MCU: variants seen among roughly 807,000 people sequenced by gnomAD.
The protein encoded by MCU is calcium uniporter protein, mitochondrial.
A neutral mutation model predicts 45.2 loss-of-function variants in MCU; 12 were observed. The observed-to-expected ratio is 0.27, with a 90% CI of 0.17 to 0.43. MCU has a LOEUF of 0.43. MCU is among the 20% of genes least tolerant of loss of function. The probability of loss-of-function intolerance (pLI) is 1.00; values close to 1 mark genes in which losing one functional copy is unlikely to be tolerated. For missense variants in MCU, 324 were observed against 436.7 expected, an observed-to-expected ratio of 0.74 and a Z score of 2.30; for synonymous variants, 160 against 165.1, an observed-to-expected ratio of 0.97 and a Z score of 0.24.
intron 1 of MCU, among the ~76,000 whole-genome samples, chr10:72,730,222 A>C (rs1406933282): frequency 6.6e-6 from 1 of 151,756 alleles, no homozygotes; most frequent in Non-Finnish European, 1.5e-5. Flanking sequence ...TAACCTCCCA[A>C]AGTGCTGGGA....
chr10:72,865,305 G>A (rs541174101), intron 4 of MCU, among the ~76,000 whole-genome samples: 18 of 152,270 alleles, frequency 1.2e-4, no homozygotes, highest in African/African-American at 4.3e-4. Flanking sequence ...AGGGTATAAA[G>A]CTTGCAAGGG....
chr10:72,782,635 T>G (rs905037651), intron 1 of MCU, among the ~76,000 whole-genome samples: 7 of 152,238 alleles, frequency 4.6e-5, no homozygotes, highest in Non-Finnish European at 8.8e-5. Flanking sequence ...CCCAAAGTGT[T>G]GGGATTACAG....
chr10:72,751,341 C>CTTCTTTTTTTTTTTTTTTTTT (rs1474252109), intron 1 of MCU, among the ~76,000 whole-genome samples: 1 of 44,754 alleles, frequency 2.2e-5, no homozygotes, highest in African/African-American at 8.4e-5. Flanking sequence ...TCTTCTTCTT[C>CTTCTTTTTTTTTTTTTTTTTT]TTTTTTTTTT....
chr10:72,693,880 A>G (rs1842655887), intron 1 of MCU, among the ~76,000 whole-genome samples: 1 of 152,212 alleles, frequency 6.6e-6, no homozygotes, highest in Admixed American at 6.5e-5. Flanking sequence ...CCTTAAGTCC[A>G]TATTTTGATA....
At chr10:72,734,775 A>C (rs1461157417) in intron 1 of MCU, among the ~76,000 whole-genome samples, 1 of 151,976 alleles carries the variant, frequency 6.6e-6, no homozygotes, top group East Asian at 1.9e-4. Flanking sequence ...CACCATGCCT[A>C]GCTATTAAAA....
At chr10:72,722,316 CAAAAAAAAAAAAAAAAA>C (rs35164146) in intron 1 of MCU, among the ~76,000 whole-genome samples, 1 of 20,158 alleles carries the variant, frequency 5.0e-5, no homozygotes, top group Non-Finnish European at 1.1e-4. Context: ...AACTCCATCT[CAAAAAAAAAAAAAAAAA>C]AAAAAAAAAA....
At chr10:72,750,897 G>C (rs1440369869) in intron 1 of MCU, among the ~76,000 whole-genome samples, 1 of 152,156 alleles carries the variant, frequency 6.6e-6, no homozygotes, top group Non-Finnish European at 1.5e-5. Flanking sequence ...CATTTATGTT[G>C]CTTATTTAGC....
intron 1 of MCU, among the ~76,000 whole-genome samples, chr10:72,694,875 T>C (rs1267140030): frequency 6.6e-6 from 1 of 152,260 alleles, no homozygotes; most frequent in Non-Finnish European, 1.5e-5. Context: ...AGTGCAATTA[T>C]GAAGTTATAA....
At chr10:72,734,764 AC>A (rs1433466651) in intron 1 of MCU, among the ~76,000 whole-genome samples, 14 of 151,884 alleles carry the variant, frequency 9.2e-5, no homozygotes, top group African/African-American at 3.1e-4. Flanking sequence ...AAGGCGTGTG[AC>A]ACCATGCCTA....
At chr10:72,733,902 A>G (rs1442606531) in intron 1 of MCU, among the ~76,000 whole-genome samples, 1 of 151,888 alleles carries the variant, frequency 6.6e-6, no homozygotes, top group Non-Finnish European at 1.5e-5. Context: ...ATTTGGAAAA[A>G]TTATTTTAAA....
chr10:72,789,752 A>G (rs1264784025), intron 1 of MCU, among the ~76,000 whole-genome samples: 1 of 152,184 alleles, frequency 6.6e-6, no homozygotes, highest in Non-Finnish European at 1.5e-5. Flanking sequence ...ATTTTCACCC[A>G]GGAAAAAGAC....
At chr10:72,871,704 C>T in intron 6 of MCU, 124 bp downstream of exon 6, 2 of 727,156 alleles carry the variant, frequency 2.8e-6, no homozygotes, top group Non-Finnish European at 4.6e-6. Flanking sequence ...CACATACACA[C>T]ACATGTGCCA....
chr10:72,855,538 C>T (rs1204883978), intron 2 of MCU, among the ~76,000 whole-genome samples: 5 of 152,110 alleles, frequency 3.3e-5, no homozygotes, highest in Admixed American at 2.0e-4. Context: ...GCTGTGATCA[C>T]ACCACTGTAC....
chr10:72,852,411 T>C (rs1845220893), intron 2 of MCU, among the ~76,000 whole-genome samples: 1 of 152,240 alleles, frequency 6.6e-6, no homozygotes, highest in Non-Finnish European at 1.5e-5. Flanking sequence ...TGCCTTTTAG[T>C]TTTTATGTAA....
At chr10:72,786,465 C>G (rs997059861) in intron 1 of MCU, among the ~76,000 whole-genome samples, 6 of 152,188 alleles carry the variant, frequency 3.9e-5, no homozygotes, top group Admixed American at 2.6e-4. Flanking sequence ...TGAAGCATGG[C>G]TGGGTGCCAT....
At chr10:72,817,539 T>G (rs545084836) in intron 1 of MCU, among the ~76,000 whole-genome samples, 1 of 152,300 alleles carries the variant, frequency 6.6e-6, no homozygotes, top group African/African-American at 2.4e-5. Context: ...AGTTATTAAG[T>G]GGTTACTATA....
At chr10:72,804,017 AATATATATATATATATAT>A (rs35518652) in intron 1 of MCU, among the ~76,000 whole-genome samples, 436 of 34,874 alleles carry the variant, frequency 0.013, 8 homozygotes, top group Middle Eastern at 0.023. Flanking sequence ...AATGTAAGTA[AATATATATATATATATAT>A]ATATATATAT....
intron 1 of MCU, among the ~76,000 whole-genome samples, chr10:72,707,648 T>TGTA (rs1564534353): frequency 1.9e-5 from 2 of 107,048 alleles, no homozygotes; most frequent in African/African-American, 1.3e-4. Context: ...TGTGTGTGTG[T>TGTA]TTCCCACCAA....
chr10:72,742,038 A>AC lies in MCU; in HGVS notation c.150+49737_150+49738insC, dbSNP rs1375110866. Among the ~76,000 whole-genome samples the AC allele has an allele frequency of 2.5e-3, 382 of 151,628 alleles. 3 individuals are homozygous for AC. The highest frequency in any genetic ancestry group is 8.8e-3 in the African/African-American group (363 of 41,262). On this transcript the variant is annotated intron_variant, in intron 1 of 7. Transcript: ENST00000373053. ...ACTCCGTCTCAAAAAAAAAAAAAAA[A>AC]AAAAAAACAAAAACGACATTGCAGT...
Sources: gnomAD v4.1 joint callset for allele counts (sites outside exome capture counted in the v4.1 genomes callset) on GRCh38, gnomAD v4.1.1 for gene constraint, MANE v1.5 for transcripts, NCBI Gene and HGNC (gene_info 2026-07-23, HGNC 2026-07-21) for gene names.